Variants in CD99L2 observed in about 807,000 individuals in gnomAD.
The protein encoded by CD99L2 is CD99 molecule like 2.
In CD99L2, 24 loss-of-function variants were observed where a neutral mutation model predicts 27.3. The observed-to-expected ratio is 0.88, with a 90% CI of 0.64 to 1.24. The LOEUF is 1.24. CD99L2 is among the 50% of genes most tolerant of loss of function. The pLI is 0.00. For synonymous variants in CD99L2, 97 were observed against 87.9 expected (o/e 1.10, Z -0.58); for missense variants, 255 against 221.6 (o/e 1.15, Z -0.96).
intron 1 of CD99L2, among the ~76,000 whole-genome samples, chrX:150,869,852 T>C (rs1439365415): frequency 9.0e-6 from 1 of 111,354 alleles, no homozygotes; most frequent in African/African-American, 3.3e-5. Context: ...CATGTTTGTA[T>C]CTTTGGCCTT....
At position 150,831,285 on chromosome X, in the gene CD99L2, C is replaced by T; in HGVS notation, c.76G>A (p.Asp26Asn). ...TCCTCCAGGTTAAAATCATCAAAGT[C>T]CCCAGATCCTAAAAATTAAAAAAAA... is the stretch of plus-strand genomic sequence containing the variant. Reference protein sequence around the residue: ...LATLVQRGSGDFDDFNLEDAV... With the variant: ...LATLVQRGSGNFDDFNLEDAV... Residue 26 changes from aspartate to asparagine, a missense_variant, in exon 2 of 11, where the codon GAC becomes AAC. By Grantham distance (23) the Asp-to-Asn change is conservative (BLOSUM62 1). Coordinates refer to ENST00000370377, the MANE Select transcript of CD99L2 (RefSeq NM_031462.4). 1.7e-6 allele frequency: 2 copies of T among 1,192,223 alleles called. No individual in the cohort carries two copies. The highest frequency in any genetic ancestry group is 2.3e-6 in the Non-Finnish European group (2 of 884,608).
At chrX:150,799,628 T>G (rs1189287579) in intron 4 of CD99L2, among the ~76,000 whole-genome samples, 1 of 111,728 alleles carries the variant, frequency 9.0e-6, no homozygotes, top group Non-Finnish European at 1.9e-5. Flanking sequence ...GAAAAGCTGC[T>G]CAGTGTCACT....
At chrX:150,826,502 T>C (rs782360935) in intron 2 of CD99L2, among the ~76,000 whole-genome samples, 4 of 111,512 alleles carry the variant, frequency 3.6e-5, no homozygotes, top group African/African-American at 6.5e-5. Context: ...AGTCCACATA[T>C]TGAATGATTC....
Position 150,767,712 on chromosome X carries a change from GTT to G in CD99L2, c.*1320_*1321del, listed in dbSNP as rs2043335758. 1 of 111,970 alleles carries G rather than the reference GTT, an allele frequency of 8.9e-6. No homozygotes were observed. Among genetic ancestry groups the G allele is most frequent in the South Asian group, 3.8e-4 (1 of 2,665 alleles). The allele number at this position is 111,970 out of a possible 1,213,427, so 9.2% of individuals were successfully genotyped here. A position where few individuals can be genotyped will look rare whatever the true frequency, so the allele number is the denominator to read the frequency against. On this transcript the variant is annotated 3_prime_UTR_variant, in exon 11 of 11. Transcript: ENST00000370377. ...TCATGCAGACCAAAGAGGCCCGTGA[GTT>G]TTGTAAGATCCTGCCTGTCTGGTGA...
chrX:150,894,244 T>C (rs1478799372), intron 1 of CD99L2, among the ~76,000 whole-genome samples: 1 of 112,068 alleles, frequency 8.9e-6, no homozygotes, highest in African/African-American at 3.2e-5. Flanking sequence ...AAATGATGCC[T>C]TTCAAGGTTT....
At chrX:150,824,603 G>A (rs187385129) in intron 2 of CD99L2, among the ~76,000 whole-genome samples, 5,212 of 98,331 alleles carry the variant, frequency 0.053, 146 homozygotes, top group South Asian at 0.12. Context: ...AGAAGAAGGA[G>A]GAGAAGAAGA....
chrX:150,888,734 A>G (rs1242143269), intron 1 of CD99L2, among the ~76,000 whole-genome samples: 2 of 112,218 alleles, frequency 1.8e-5, no homozygotes, highest in Admixed American at 1.9e-4. Flanking sequence ...TTGCCTTGCT[A>G]TAAGGAAGCT....
chrX:150,778,144 C>G (rs1381122024), intron 7 of CD99L2, among the ~76,000 whole-genome samples: 2 of 110,433 alleles, frequency 1.8e-5, no homozygotes, highest in African/African-American at 6.6e-5. Context: ...ACACAAATCA[C>G]ACACGATAGT....
intron 1 of CD99L2, among the ~76,000 whole-genome samples, chrX:150,897,704 G>C (rs1012614595): frequency 9.0e-6 from 1 of 111,702 alleles, no homozygotes; most frequent in Admixed American, 9.5e-5. Context: ...AGATTCTGTT[G>C]GTACATGTTT....
intron 4 of CD99L2, among the ~76,000 whole-genome samples, chrX:150,798,893 G>A (rs1265713522): frequency 8.9e-6 from 1 of 111,827 alleles, no homozygotes; most frequent in Non-Finnish European, 1.9e-5. Flanking sequence ...TGGGACTACA[G>A]GCGTGCACCA....
intron 1 of CD99L2, among the ~76,000 whole-genome samples, chrX:150,852,313 C>T (rs191376866): frequency 2.3e-4 from 25 of 110,619 alleles, no homozygotes; most frequent in African/African-American, 7.5e-4. Context: ...TGGCTGAGCA[C>T]AGGATGACAG....
chrX:150,769,347 T>C (rs1203130458), intron 10 of CD99L2, among the ~76,000 whole-genome samples: 1 of 112,142 alleles, frequency 8.9e-6, no homozygotes, highest in South Asian at 3.7e-4. Flanking sequence ...ATGAGCGTGT[T>C]CCTGCCAGCG....
intron 1 of CD99L2, among the ~76,000 whole-genome samples, chrX:150,854,683 G>A (rs1166611588): frequency 9.0e-6 from 1 of 111,335 alleles, no homozygotes; most frequent in Non-Finnish European, 1.9e-5. Flanking sequence ...ACAGAGAGAA[G>A]ATGGATACTG....
At chrX:150,769,725 GA>G in intron 10 of CD99L2, among the ~76,000 whole-genome samples, 1 of 106,321 alleles carries the variant, frequency 9.4e-6, no homozygotes, top group Admixed American at 1.4e-4. Context: ...AGCCTTTCCG[GA>G]CCTCCTCATT....
At chrX:150,785,675 C>A (rs1557419542) in intron 7 of CD99L2, among the ~76,000 whole-genome samples, 1 of 111,607 alleles carries the variant, frequency 9.0e-6, no homozygotes. Context: ...CCCGCAGCCA[C>A]AGATCTCATT....
intron 1 of CD99L2, among the ~76,000 whole-genome samples, chrX:150,882,440 T>C (rs1281605968): frequency 1.8e-5 from 2 of 112,250 alleles, no homozygotes; most frequent in Admixed American, 1.9e-4. Context: ...AAAATTATAT[T>C]CAGGCTGGAC....
In CD99L2 at chrX:150,824,580, G is replaced by A. The variant is rs868940290; in HGVS notation, c.130+6651C>T. Among the ~76,000 whole-genome samples, 5 of 96,806 alleles carry A rather than the reference G, an allele frequency of 5.2e-5. No individual in the cohort carries two copies. In the East Asian group the frequency reaches 1.3e-3, roughly 25 times the overall value. 84.1% of individuals were successfully genotyped at this position (96,806 alleles called of 115,157 possible). On this transcript the variant is annotated intron_variant, in intron 2 of 10. Coordinates refer to ENST00000370377, the MANE Select transcript of CD99L2 (RefSeq NM_031462.4). Reference sequence around the variant, plus strand: ...AAGAAAGAAGGAGGAGGAGGAGGAGGAGAAGGAGGAGAAGAAGAAGGAGGA... The same window carrying A: ...AAGAAAGAAGGAGGAGGAGGAGGAGAAGAAGGAGGAGAAGAAGAAGGAGGA...
chrX:150,771,689 T>C (rs1453137966), intron 9 of CD99L2: 4 of 857,504 alleles, frequency 4.7e-6, no homozygotes, highest in Admixed American at 2.7e-5. Flanking sequence ...GCCACGTCGG[T>C]GAGTGCCAGG....
At chrX:150,893,998 G>C (rs782719935) in intron 1 of CD99L2, among the ~76,000 whole-genome samples, 1 of 112,016 alleles carries the variant, frequency 8.9e-6, no homozygotes, top group East Asian at 2.8e-4. Context: ...TTACAGGCAT[G>C]AGCCACTGCG....
Sources: allele counts gnomAD v4.1 joint callset (sites outside exome capture counted in the v4.1 genomes callset), GRCh38; gene constraint gnomAD v4.1.1; transcripts MANE v1.5; gene names NCBI Gene and HGNC (gene_info 2026-07-23, HGNC 2026-07-21).